The following KIF21A variants were observed in gnomAD, a reference collection of about 807,000 sequenced individuals.
The protein encoded by KIF21A is kinesin family member 21A, also known as kinesin-like protein KIF21A.
Under a neutral mutation model 202.9 loss-of-function variants are expected in KIF21A, and 114 were observed. The observed-to-expected ratio is 0.56, with a 90% CI of 0.48 to 0.66. The LOEUF (loss-of-function observed/expected upper bound fraction) is 0.66, where lower values mean the gene tolerates loss of function less well. Ranked by LOEUF, KIF21A falls within the 30% of genes least tolerant of loss-of-function variation. The pLI, the probability that KIF21A is intolerant of heterozygous loss-of-function variation, is 0.00. For synonymous variants in KIF21A, 667 were observed against 670.8 expected, an observed-to-expected ratio of 0.99 and a Z score of 0.09; for missense variants, 1,677 against 1,994.9, an observed-to-expected ratio of 0.84 and a Z score of 3.04.
chr12:39,376,199 G>A (rs1393717536), intron 1 of KIF21A, among the ~76,000 whole-genome samples: 1 of 152,022 alleles, frequency 6.6e-6, no homozygotes, highest in African/African-American at 2.4e-5. Flanking sequence ...ATACATGTAT[G>A]CATATACTTA....
intron 24 of KIF21A, 36 bp from the exon 25 acceptor site, chr12:39,326,360 C>G: frequency 6.9e-7 from 1 of 1,459,164 alleles, no homozygotes; most frequent in Non-Finnish European, 9.6e-7. Flanking sequence ...GCATTATCCC[C>G]ATGTCACAGT....
At chr12:39,340,733 G>A (rs1947369491) in intron 15 of KIF21A, among the ~76,000 whole-genome samples, 173 bp downstream of exon 15, 1 of 151,916 alleles carries the variant, frequency 6.6e-6, no homozygotes, top group Admixed American at 6.6e-5. Context: ...GTATTTACAA[G>A]CTACATATAA....
intron 34 of KIF21A, among the ~76,000 whole-genome samples, chr12:39,305,541 G>A (rs1369297344): frequency 6.6e-6 from 1 of 152,000 alleles, no homozygotes; most frequent in Non-Finnish European, 1.5e-5. Context: ...TGCATCACCA[G>A]CTTTTTTCAT....
At chr12:39,429,281 T>G (rs1237791973) in intron 1 of KIF21A, among the ~76,000 whole-genome samples, 1 of 152,186 alleles carries the variant, frequency 6.6e-6, no homozygotes, top group East Asian at 1.9e-4. Flanking sequence ...AGAAAACATT[T>G]TATTCAAACT....
At chr12:39,330,302 T>G (rs1946401471) in intron 23 of KIF21A, 40 bp from the exon 24 acceptor site, 2 of 1,590,256 alleles carry the variant, frequency 1.3e-6, no homozygotes, top group East Asian at 2.2e-5. Context: ...AAAGCAATAC[T>G]CCAATCAAAA....
Position 39,443,006 on chromosome 12 carries a change from G to T in KIF21A, c.-36C>A, listed in dbSNP as rs1041864935. 2.9e-5 allele frequency: 44 copies of T among 1,512,358 alleles called. No homozygotes were observed. In the Admixed American group the frequency reaches 6.9e-4, roughly 24 times the overall value. 93.7% of individuals were successfully genotyped at this position (1,512,358 alleles called of 1,614,324 possible). On this transcript the variant is annotated 5_prime_UTR_variant, in exon 1 of 38. Coordinates refer to ENST00000361418, the MANE Select transcript of KIF21A (RefSeq NM_001173464.2). ...GGCAGCGATCGAGCCGTTGGGCCTC[G>T]GCACCGCAGAGCTGAGGCGCCACTG... is the stretch of plus-strand genomic sequence containing the variant.
chr12:39,422,340 TACA>T (rs1954369244), intron 1 of KIF21A, among the ~76,000 whole-genome samples: 1 of 152,204 alleles, frequency 6.6e-6, no homozygotes, highest in Non-Finnish European at 1.5e-5. Flanking sequence ...AAATTTTTTC[TACA>T]ACGTCTTTTC....
At chr12:39,409,774 G>C (rs1952929728) in intron 1 of KIF21A, among the ~76,000 whole-genome samples, 2 of 151,610 alleles carry the variant, frequency 1.3e-5, no homozygotes, top group Admixed American at 1.3e-4. Context: ...CTAATCACAA[G>C]AGTCCTTATA....
chr12:39,370,346 C>A, intron 1 of KIF21A, 85 bp from the exon 2 acceptor site: 1 of 985,544 alleles, frequency 1.0e-6, no homozygotes, highest in Non-Finnish European at 1.6e-6. Flanking sequence ...AACTCTTGGC[C>A]AAATCTTTTT....
intron 37 of KIF21A, among the ~76,000 whole-genome samples, chr12:39,301,136 C>A (rs1321291375): frequency 6.6e-6 from 1 of 151,996 alleles, no homozygotes; most frequent in Admixed American, 6.6e-5. Context: ...TAATTTGTTC[C>A]AAATATGAAG....
chr12:39,414,362 T>C (rs186480279), intron 1 of KIF21A, among the ~76,000 whole-genome samples: 17 of 152,348 alleles, frequency 1.1e-4, no homozygotes, highest in Middle Eastern at 3.4e-3. Flanking sequence ...CTGTCTCTAA[T>C]ACTTTATTAT....
chr12:39,398,771 G>T (rs537320142), intron 1 of KIF21A, among the ~76,000 whole-genome samples: 1 of 152,118 alleles, frequency 6.6e-6, no homozygotes, highest in South Asian at 2.1e-4. Context: ...TTGTGAGACA[G>T]GCAGAATTCA....
At chr12:39,295,920 G>T (rs112057449) in intron 37 of KIF21A, among the ~76,000 whole-genome samples, 2 of 148,916 alleles carry the variant, frequency 1.3e-5, no homozygotes, top group East Asian at 2.0e-4. Flanking sequence ...GGCCAGCCTC[G>T]ATCTCTTGAC....
chr12:39,422,129 TTG>T (rs952612235), intron 1 of KIF21A, among the ~76,000 whole-genome samples: 13 of 151,298 alleles, frequency 8.6e-5, no homozygotes, highest in African/African-American at 3.2e-4. Context: ...CAGCTAATTT[TTG>T]TTTTTTTTTT....
chr12:39,384,717 C>A (rs1452655064), intron 1 of KIF21A, among the ~76,000 whole-genome samples: 1 of 152,106 alleles, frequency 6.6e-6, no homozygotes, highest in Non-Finnish European at 1.5e-5. Context: ...AGTCAGAAAT[C>A]CAGGCATGGC....
At chr12:39,378,369 G>A (rs1401906869) in intron 1 of KIF21A, among the ~76,000 whole-genome samples, 1 of 152,088 alleles carries the variant, frequency 6.6e-6, no homozygotes, top group Admixed American at 6.6e-5. Context: ...ATGCACATGG[G>A]CTGACAAAAT....
At position 39,297,924 on chromosome 12, in the gene KIF21A, CAAAAA is replaced by C. The variant is rs200393283; in HGVS notation, c.4932-3412_4932-3408del. ...ATAAAGTATTGTATTTTGGTATTATCAAAAAAAAAAAAGAAAAGAAAAGATCAGGA... is the reference window on the plus strand; with the variant it reads ...ATAAAGTATTGTATTTTGGTATTATCAAAAAAAGAAAAGAAAAGATCAGGA... On this transcript the variant is annotated intron_variant, in intron 37 of 37. Transcript: ENST00000361418. Among the ~76,000 whole-genome samples, 16 of 131,180 alleles carry C rather than the reference CAAAAA, an allele frequency of 1.2e-4. No homozygotes were observed. In the East Asian group the frequency reaches 3.3e-3, roughly 27 times the overall value. 86.1% of individuals were successfully genotyped at this position (131,180 alleles called of 152,430 possible).
In KIF21A at chr12:39,355,616, G is replaced by A. The variant is rs114715176; in HGVS notation, c.1469+1216C>T. On this transcript the variant is annotated intron_variant, in intron 10 of 37. Transcript: ENST00000361418. ...AGGCAGGGAACAGTACTCTCAACACGGGGTAGAAACTGCAAGTCCAGGTTG... is the reference window on the plus strand; with the variant it reads ...AGGCAGGGAACAGTACTCTCAACACAGGGTAGAAACTGCAAGTCCAGGTTG... Among the ~76,000 whole-genome samples, 1,166 of 150,592 alleles carry A rather than the reference G, an allele frequency of 7.7e-3. 19 individuals carry two copies. Among genetic ancestry groups the A allele is most frequent in the African/African-American group, 0.026 (1,075 of 40,808 alleles).
chr12:39,298,455 A>T (rs925884426), intron 37 of KIF21A, among the ~76,000 whole-genome samples: 8 of 152,180 alleles, frequency 5.3e-5, no homozygotes, highest in African/African-American at 1.9e-4. Flanking sequence ...GGGCTATGAG[A>T]TGTTCAATTT....
Sources: gnomAD v4.1 joint callset for allele counts (sites outside exome capture counted in the v4.1 genomes callset) on GRCh38, gnomAD v4.1.1 for gene constraint, MANE v1.5 for transcripts, NCBI Gene and HGNC (gene_info 2026-07-23, HGNC 2026-07-21) for gene names.